Variants in DIP2C observed in about 807,000 individuals in gnomAD.
DIP2C encodes the protein disco-interacting protein 2 homolog C.
DIP2C carries 33 observed loss-of-function variants against 192.4 expected under a neutral mutation model. That is an observed-to-expected ratio of 0.17 (90% CI 0.13 to 0.23). The LOEUF is 0.23. Among genes scored for constraint, DIP2C ranks in the 10% least tolerant of loss-of-function variants. DIP2C has a pLI of 1.00. For synonymous variants in DIP2C, 979 were observed against 864.1 expected, an observed-to-expected ratio of 1.13 and a Z score of -2.33; for missense variants, 1,537 against 2,110.1, an observed-to-expected ratio of 0.73 and a Z score of 5.32.
chr10:583,756 A>G (rs1196614998), intron 1 of DIP2C, among the ~76,000 whole-genome samples: 1 of 152,200 alleles, frequency 6.6e-6, no homozygotes, highest in Non-Finnish European at 1.5e-5. Context: ...ACAGGTATTA[A>G]ATGAGTTATC....
intron 1 of DIP2C, among the ~76,000 whole-genome samples, chr10:616,473 T>C (rs968436760): frequency 9.2e-5 from 14 of 152,218 alleles, no homozygotes; most frequent in African/African-American, 3.1e-4. Context: ...CCCAAGCCTG[T>C]CTCTGCACAG....
At chr10:520,439 C>CA (rs1564814696) in intron 1 of DIP2C, among the ~76,000 whole-genome samples, 2 of 152,090 alleles carry the variant, frequency 1.3e-5, no homozygotes, top group African/African-American at 2.4e-5. Flanking sequence ...TTTCTGCATA[C>CA]AAAAAAAATT....
intron 1 of DIP2C, among the ~76,000 whole-genome samples, chr10:659,149 C>A (rs1444700262): frequency 1.3e-5 from 2 of 152,208 alleles, no homozygotes; most frequent in Non-Finnish European, 2.9e-5. Flanking sequence ...TATGTAAATG[C>A]ATACACATAA....
At chr10:491,127 C>A (rs1844413876) in intron 1 of DIP2C, among the ~76,000 whole-genome samples, 1 of 152,212 alleles carries the variant, frequency 6.6e-6, no homozygotes, top group Non-Finnish European at 1.5e-5. Flanking sequence ...TCTGGCCCAA[C>A]TGGAACCAGT....
At chr10:453,626 G>A (rs1447685878) in intron 3 of DIP2C, among the ~76,000 whole-genome samples, 1 of 152,198 alleles carries the variant, frequency 6.6e-6, no homozygotes, top group African/African-American at 2.4e-5. Flanking sequence ...GTAAATGGAA[G>A]ATGATTCTAG....
At chr10:398,682 T>C (rs534288934) in intron 10 of DIP2C, among the ~76,000 whole-genome samples, 1 of 152,234 alleles carries the variant, frequency 6.6e-6, no homozygotes. Context: ...ATAATTACAA[T>C]GGCAAGTTTA....
rs933283621 is a variant in DIP2C at position 676,362 on chromosome 10, G to A, written c.85+13132C>T. Among the ~76,000 whole-genome samples the A allele has an allele frequency of 2.0e-5, 3 of 152,090 alleles. No homozygotes were observed. In the East Asian group the frequency reaches 5.8e-4, roughly 29 times the overall value. On this transcript the variant is annotated intron_variant, in intron 1 of 36. Coordinates refer to ENST00000280886, the MANE Select transcript of DIP2C (RefSeq NM_014974.3). ...CTGAGATCTGTAGCAAGACAAGGAC[G>A]CCCACTTGTACCACTCCTATTCAAC...
At chr10:555,622 G>T (rs538190310) in intron 1 of DIP2C, among the ~76,000 whole-genome samples, 2 of 152,320 alleles carry the variant, frequency 1.3e-5, no homozygotes, top group Non-Finnish European at 2.9e-5. Flanking sequence ...GTGTCTCTCA[G>T]GGTATCTGGG....
intron 32 of DIP2C, among the ~76,000 whole-genome samples, chr10:308,612 C>T (rs1352325805): frequency 6.6e-6 from 1 of 152,244 alleles, no homozygotes; most frequent in African/African-American, 2.4e-5. Context: ...TCTAAAACTA[C>T]ATTTCTGATT....
At chr10:471,127 C>G (rs1970592295) in intron 3 of DIP2C, among the ~76,000 whole-genome samples, 1 of 152,140 alleles carries the variant, frequency 6.6e-6, no homozygotes, top group South Asian at 2.1e-4. Context: ...AACAAATTCT[C>G]CTTCATTCCA....
chr10:651,334 C>G lies in DIP2C; in HGVS notation c.85+38160G>C. On this transcript the variant is annotated intron_variant, in intron 1 of 36. Coordinates refer to ENST00000280886, the MANE Select transcript of DIP2C (RefSeq NM_014974.3). The surrounding 1 kb of genome is among the most constrained non-coding windows in gnomAD (Gnocchi z 4.1). Reference sequence around the variant, plus strand: ...ACGTGGACACGATCCCATCAGGAACCACCTACTTTTGCATCCCCAGCACTG... The same window carrying G: ...ACGTGGACACGATCCCATCAGGAACGACCTACTTTTGCATCCCCAGCACTG... The G allele has an allele frequency of 1.4e-6, 1 of 704,074 alleles. No individual in the cohort carries two copies. The highest frequency in any genetic ancestry group is 2.6e-6 in the Non-Finnish European group (1 of 384,940). 43.6% of individuals were successfully genotyped at this position (704,074 alleles called of 1,614,324 possible). A position where few individuals can be genotyped will look rare whatever the true frequency, so the allele number is the denominator to read the frequency against.
At chr10:412,250 T>C (rs956419137) in intron 8 of DIP2C, among the ~76,000 whole-genome samples, 5 of 152,228 alleles carry the variant, frequency 3.3e-5, no homozygotes, top group African/African-American at 1.2e-4. Flanking sequence ...CAATGCATAC[T>C]GCATGCTTAA....
intron 1 of DIP2C, among the ~76,000 whole-genome samples, chr10:619,365 G>T (rs539295225): frequency 1.3e-5 from 2 of 152,178 alleles, no homozygotes; most frequent in African/African-American, 4.8e-5. Flanking sequence ...GGCTGGCTCC[G>T]GGGAAGCGAC....
chr10:603,061 C>T (rs1852197024), intron 1 of DIP2C, among the ~76,000 whole-genome samples: 1 of 152,068 alleles, frequency 6.6e-6, no homozygotes, highest in African/African-American at 2.4e-5. Flanking sequence ...AGGAATTCCA[C>T]ATCACCACTA....
chr10:459,789 C>G (rs1023854600), intron 3 of DIP2C, among the ~76,000 whole-genome samples: 1 of 148,934 alleles, frequency 6.7e-6, no homozygotes, highest in Non-Finnish European at 1.5e-5. Flanking sequence ...ACCTGCTGCA[C>G]GTGAGCTCTA....
intron 1 of DIP2C, among the ~76,000 whole-genome samples, chr10:625,459 G>C (rs1243259739): frequency 6.6e-6 from 1 of 152,204 alleles, no homozygotes; most frequent in Admixed American, 6.5e-5. Context: ...TGCTCCCTGT[G>C]AAAGGCCGCG....
At chr10:598,202 G>A (rs955528082) in intron 1 of DIP2C, among the ~76,000 whole-genome samples, 9 of 152,192 alleles carry the variant, frequency 5.9e-5, no homozygotes, top group South Asian at 2.1e-4. Flanking sequence ...GGCCGGCACC[G>A]GCCACCACCA....
chr10:400,673 C>T, intron 9 of DIP2C, among the ~76,000 whole-genome samples: 1 of 151,460 alleles, frequency 6.6e-6, no homozygotes, highest in East Asian at 2.0e-4. Flanking sequence ...TCCTTATGGA[C>T]AAGTTTGGTA....
Position 419,085 on chromosome 10 carries a change from T to C in DIP2C, c.719A>G (p.Glu240Gly). ...CGTACCATCCCCGGTCTCCATGAGC[T>C]CGGCGTTGCCGTACTTGGGCGCTGT... ...SRTAPKYGNA[E>G]LMETGDGVPV... The change falls in exon 6 of 37, where the codon GAG becomes GGG. Residue 240 changes from glutamate to glycine, a missense_variant. Glu to Gly is a moderately conservative substitution (Grantham distance 98). Transcript: ENST00000280886. 6.2e-7 allele frequency: 1 copy of C among 1,614,260 alleles called. No individual in the cohort carries two copies. Among genetic ancestry groups the C allele is most frequent in the Non-Finnish European group, 8.5e-7 (1 of 1,180,050 alleles).
Sources: allele counts gnomAD v4.1 joint callset (sites outside exome capture counted in the v4.1 genomes callset), GRCh38; gene constraint gnomAD v4.1.1; non-coding constraint Gnocchi (gnomAD v3.1); transcripts MANE v1.5; gene names NCBI Gene and HGNC (gene_info 2026-07-23, HGNC 2026-07-21).